Variants in RXRA observed in about 807,000 individuals in gnomAD.
The protein encoded by RXRA is retinoid X receptor alpha, also known as retinoic acid receptor RXR-alpha.
In RXRA, 5 loss-of-function variants were observed where a neutral mutation model predicts 44.5. The ratio of observed to expected loss-of-function variants is 0.11; its 90% CI spans 0.06 to 0.24. The LOEUF is 0.24. Ranked by LOEUF, RXRA falls within the 10% of genes least tolerant of loss-of-function variation. The probability of loss-of-function intolerance (pLI) is 1.00; values close to 1 mark genes in which losing one functional copy is unlikely to be tolerated. For synonymous variants in RXRA, 291 were observed against 271.4 expected (o/e 1.07, Z -0.71); for missense variants, 412 against 646.5 (o/e 0.64, Z 3.93).
chr9:134,413,244 A>G (rs754312041), intron 4 of RXRA, among the ~76,000 whole-genome samples: 7 of 151,112 alleles, frequency 4.6e-5, no homozygotes, highest in African/African-American at 7.3e-5. Flanking sequence ...GTTGGAGAGC[A>G]GTGGTCACGT....
chr9:134,383,303 G>A (rs2119106509), intron 1 of RXRA, among the ~76,000 whole-genome samples: 1 of 152,316 alleles, frequency 6.6e-6, no homozygotes. Flanking sequence ...TGTGTGGCCT[G>A]AGTGGGTGTG....
intron 1 of RXRA, among the ~76,000 whole-genome samples, chr9:134,348,400 G>A (rs1433562690): frequency 1.3e-5 from 2 of 152,234 alleles, no homozygotes; most frequent in Admixed American, 6.5e-5. Context: ...ATGCAGGGCA[G>A]TGAGAGCCAG....
At chr9:134,335,980 AC>A (rs1449304326) in intron 1 of RXRA, among the ~76,000 whole-genome samples, 1 of 151,924 alleles carries the variant, frequency 6.6e-6, no homozygotes, top group South Asian at 2.1e-4. Context: ...CCCTCTCCCC[AC>A]CCGGAGGGAG....
In RXRA at chr9:134,407,527, C is replaced by G. The variant is rs750871989; in HGVS notation, c.280-622C>G. Reference sequence around the variant, plus strand: ...CCACGCTTGCCCGGGCGGCAGCGTGCGGGCCGGCGGGTGGGGCGGAGGGGT... The same window carrying G: ...CCACGCTTGCCCGGGCGGCAGCGTGGGGGCCGGCGGGTGGGGCGGAGGGGT... On this transcript the variant is annotated intron_variant, in intron 2 of 9. Coordinates refer to ENST00000481739, the MANE Select transcript of RXRA (RefSeq NM_002957.6). The surrounding 1 kb of genome is among the most constrained non-coding windows in gnomAD (Gnocchi z 4.8). Among the ~76,000 whole-genome samples the G allele has an allele frequency of 1.3e-5, 2 of 152,206 alleles. No individual in the cohort carries two copies. The highest frequency in any genetic ancestry group is 1.9e-4 in the East Asian group (1 of 5,190).
At chr9:134,381,406 T>C (rs1008781391) in intron 1 of RXRA, among the ~76,000 whole-genome samples, 1 of 152,118 alleles carries the variant, frequency 6.6e-6, no homozygotes, top group Non-Finnish European at 1.5e-5. Flanking sequence ...CTCTCAGGGC[T>C]GGGCCCTGTT....
chr9:134,366,857 A>C lies in RXRA; in HGVS notation c.29-34775A>C, dbSNP rs559326723. On this transcript the variant is annotated intron_variant, in intron 1 of 9. Coordinates refer to ENST00000481739, the MANE Select transcript of RXRA (RefSeq NM_002957.6). The surrounding 1 kb of genome is among the most constrained non-coding windows in gnomAD (Gnocchi z 5.9). ...GCAAAGACACAGGAGTCGGGGACAC[A>C]TCCCAGTCGGAACGTGGTGGAAAGG... Among the ~76,000 whole-genome samples the C allele has an allele frequency of 5.1e-4, 77 of 152,274 alleles. No individual in the cohort carries two copies. The highest frequency in any genetic ancestry group is 1.8e-3 in the African/African-American group (76 of 41,552).
At position 134,381,904 on chromosome 9, in the gene RXRA, C is replaced by T. The variant is rs546122797; in HGVS notation, c.29-19728C>T. On this transcript the variant is annotated intron_variant, in intron 1 of 9. Transcript: ENST00000481739. ...ACAGGATGAGTTGGATGCAGCCTCC[C>T]GGTGGGGGCTGCTCAGGTGGTGATG... 2.5e-4 allele frequency among the ~76,000 whole-genome samples: 38 copies of T among 152,090 alleles called. No homozygotes were observed. The South Asian group carries it at 7.1e-3, about 28-fold the overall frequency.
chr9:134,337,090 T>C (rs1253909785), intron 1 of RXRA, among the ~76,000 whole-genome samples: 3 of 152,126 alleles, frequency 2.0e-5, no homozygotes, highest in Non-Finnish European at 4.4e-5. Flanking sequence ...GTTGGAGATG[T>C]GGCTGCCACC....
At chr9:134,334,092 G>C (rs1476966655) in intron 1 of RXRA, among the ~76,000 whole-genome samples, 1 of 152,258 alleles carries the variant, frequency 6.6e-6, no homozygotes, top group Non-Finnish European at 1.5e-5. Flanking sequence ...CCTCCCGCCT[G>C]AGGGCCGTGG....
chr9:134,429,085 G>T (rs1831485540), intron 6 of RXRA, 23 bp from the exon 7 acceptor site: 2 of 1,612,528 alleles, frequency 1.2e-6, no homozygotes, highest in Non-Finnish European at 1.7e-6. Context: ...AGACAGCTGA[G>T]TGACTGTGTG....
intron 1 of RXRA, among the ~76,000 whole-genome samples, chr9:134,367,073 G>A (rs1415505302): frequency 1.3e-5 from 2 of 152,104 alleles, no homozygotes; most frequent in East Asian, 1.9e-4. Flanking sequence ...TCTTTTTAAG[G>A]CGTGCAGTTC....
Position 134,426,937 on chromosome 9 carries a change from T to C in RXRA, c.911-2171T>C. 1 of 985,226 alleles carries C rather than the reference T, an allele frequency of 1.0e-6. No individual in the cohort carries two copies. The highest frequency in any genetic ancestry group is 1.2e-6 in the Non-Finnish European group (1 of 829,900). 61.0% of individuals were successfully genotyped at this position (985,226 alleles called of 1,614,324 possible). ...AGCCCTTTCCTAGGAGAGCATTTGC[T>C]CTCACTGGATGTCAGACCCAGTGCC... On this transcript the variant is annotated intron_variant, in intron 6 of 9. Transcript: ENST00000481739. This position sits in a 1 kb window ranked among gnomAD's most constrained non-coding sequence, Gnocchi z 4.6.
chr9:134,422,551 G>A (rs1476389859), intron 6 of RXRA: 16 of 1,196,094 alleles, frequency 1.3e-5, no homozygotes, highest in Non-Finnish European at 1.6e-5. Flanking sequence ...CCCCCCTCCT[G>A]GGACAGTCCC....
chr9:134,425,000 T>C, intron 6 of RXRA: 1 of 985,440 alleles, frequency 1.0e-6, no homozygotes, highest in East Asian at 1.1e-4. Flanking sequence ...TCACTTCCGC[T>C]GGGCGACAGC....
intron 1 of RXRA, among the ~76,000 whole-genome samples, chr9:134,361,832 C>T (rs1352773149): frequency 3.3e-5 from 5 of 152,314 alleles, no homozygotes; most frequent in Middle Eastern, 3.4e-3. Context: ...CGGTGGGTCT[C>T]CTTCTGGTCT....
intron 1 of RXRA, among the ~76,000 whole-genome samples, chr9:134,364,330 G>T (rs1830388506): frequency 6.6e-6 from 1 of 152,228 alleles, no homozygotes; most frequent in Non-Finnish European, 1.5e-5. Flanking sequence ...GGCTTCAGGG[G>T]GCTCCAAGCC....
intron 4 of RXRA, among the ~76,000 whole-genome samples, chr9:134,411,080 A>G (rs1321124698): frequency 1.3e-5 from 2 of 152,210 alleles, no homozygotes; most frequent in African/African-American, 2.4e-5. Context: ...TGTCGGCACC[A>G]CAGGCCTGGC....
intron 1 of RXRA, among the ~76,000 whole-genome samples, chr9:134,341,268 A>G (rs1830082665): frequency 6.6e-6 from 1 of 152,134 alleles, no homozygotes; most frequent in African/African-American, 2.4e-5. Flanking sequence ...GCCCAATATC[A>G]TGTGGCCAGT....
chr9:134,405,763 C>T (rs1831040147), intron 2 of RXRA: 1 of 152,756 alleles, frequency 6.5e-6, no homozygotes, highest in South Asian at 2.1e-4. Context: ...TGCTCACACG[C>T]CTCGGTGCCT....
Sources: gnomAD v4.1 joint callset for allele counts (sites outside exome capture counted in the v4.1 genomes callset) on GRCh38, gnomAD v4.1.1 for gene constraint, Gnocchi (gnomAD v3.1) non-coding constraint, MANE v1.5 for transcripts, NCBI Gene and HGNC (gene_info 2026-07-23, HGNC 2026-07-21) for gene names.